Variants in MECR observed in about 807,000 individuals in gnomAD.
MECR encodes the protein enoyl-[acyl-carrier-protein] reductase, mitochondrial.
MECR carries 37 observed loss-of-function variants against 49.1 expected under a neutral mutation model. The ratio of observed to expected loss-of-function variants is 0.75; its 90% CI spans 0.58 to 0.99. The LOEUF (loss-of-function observed/expected upper bound fraction) is 0.99. Among genes scored for constraint, MECR ranks in the 50% least tolerant of loss-of-function variants. The pLI, the probability that MECR is intolerant of heterozygous loss-of-function variation, is 0.00. For missense variants in MECR, 470 were observed against 479.6 expected, an observed-to-expected ratio of 0.98 and a Z score of 0.19; for synonymous variants, 198 against 191.1, an observed-to-expected ratio of 1.04 and a Z score of -0.30.
intron 7 of MECR, 104 bp downstream of exon 7, chr1:29,200,406 TGACCTG>T: frequency 1.0e-6 from 1 of 973,362 alleles, no homozygotes. Context: ...AACATTGTGC[TGACCTG>T]GACTTGGCTC....
At chr1:29,222,263 T>C (rs1574490355) in intron 1 of MECR, among the ~76,000 whole-genome samples, 1 of 152,142 alleles carries the variant, frequency 6.6e-6, no homozygotes, top group African/African-American at 2.4e-5. Flanking sequence ...CTGGCTAATT[T>C]TTTTTTTGTA....
rs746081314 is a variant in MECR at position 29,196,087 on chromosome 1, C to T, written c.892-74G>A. 5.6e-6 allele frequency: 9 copies of T among 1,598,986 alleles called. No individual in the cohort carries two copies. The East Asian group carries it at 2.0e-4, about 36-fold the overall frequency. ...GTACCGCTTAAGGGTACAGACTCCCCTCCAGGAACGGGGCATTGCCTAAGC... is the reference window on the plus strand; with the variant it reads ...GTACCGCTTAAGGGTACAGACTCCCTTCCAGGAACGGGGCATTGCCTAAGC... On this transcript the variant is annotated intron_variant, in intron 8 of 9. Coordinates refer to ENST00000263702, the MANE Select transcript of MECR (RefSeq NM_016011.5).
At chr1:29,220,480 C>A (rs995515409) in intron 1 of MECR, among the ~76,000 whole-genome samples, 4 of 152,236 alleles carry the variant, frequency 2.6e-5, no homozygotes, top group Non-Finnish European at 4.4e-5. Context: ...TGAACTTGCT[C>A]TTCCTCGTTT....
At chr1:29,168,009 T>C in the MECR span, among the ~76,000 whole-genome samples, 3 of 119,022 alleles carry the variant, frequency 2.5e-5, no homozygotes, top group Non-Finnish European at 5.3e-5. Flanking sequence ...AAGGTTCTAA[T>C]TCCTTTTTTT....
At chr1:29,206,709 T>C (rs374349686) in intron 4 of MECR, 53 bp downstream of exon 4, 3 of 1,600,176 alleles carry the variant, frequency 1.9e-6, no homozygotes, top group African/African-American at 2.7e-5. Flanking sequence ...AGGATGTGAG[T>C]GGCACCCTAG....
In MECR at chr1:29,200,514, AC is replaced by A. The variant is rs1239954306; in HGVS notation, c.830+1del. 2.2e-5 allele frequency: 36 copies of A among 1,612,982 alleles called. No homozygotes were observed. The highest frequency in any genetic ancestry group is 2.9e-5 in the Non-Finnish European group (34 of 1,179,086). On this transcript the variant is annotated splice_donor_variant, in intron 7 of 9. Coordinates refer to ENST00000263702, the MANE Select transcript of MECR (RefSeq NM_016011.5). LOFTEE classifies it high-confidence loss of function. Reference sequence around the variant, plus strand: ...CTGGACCTGCAGGCCCAAGGGACTTACGCTAACTGCCGCAGCAGCTCTGTGG... The same window carrying A: ...CTGGACCTGCAGGCCCAAGGGACTTAGCTAACTGCCGCAGCAGCTCTGTGG...
intron 6 of MECR, 45 bp from the exon 7 acceptor site, chr1:29,200,634 A>C: frequency 6.4e-7 from 1 of 1,561,228 alleles, no homozygotes; most frequent in Non-Finnish European, 8.8e-7. Flanking sequence ...CCCGCTCTAC[A>C]TATGGGGTCT....
downstream of MECR, among the ~76,000 whole-genome samples, chr1:29,188,935 G>A (rs1245080667): frequency 6.6e-6 from 1 of 151,036 alleles, no homozygotes; most frequent in Non-Finnish European, 1.5e-5. Flanking sequence ...ACCACGCCCA[G>A]CCTATGTTAA....
chr1:29,216,882 C>A (rs1679539591), intron 1 of MECR, 197 bp from the exon 2 acceptor site: 7 of 1,316,770 alleles, frequency 5.3e-6, no homozygotes, highest in Non-Finnish European at 6.9e-6. Context: ...CGCCTGTAAT[C>A]CCAGCACTTT....
chr1:29,196,950 A>G (rs1674157866), intron 7 of MECR, among the ~76,000 whole-genome samples: 1 of 152,192 alleles, frequency 6.6e-6, no homozygotes, highest in African/African-American at 2.4e-5. Flanking sequence ...GGCTGCAGTG[A>G]GCTGAGATTG....
intron 1 of MECR, among the ~76,000 whole-genome samples, chr1:29,228,542 G>C (rs1018808686): frequency 6.6e-6 from 1 of 152,072 alleles, no homozygotes; most frequent in African/African-American, 2.4e-5. Context: ...AGTAGAGACA[G>C]GGTTTCGCCA....
the MECR span, among the ~76,000 whole-genome samples, chr1:29,176,372 G>C: frequency 1.3e-5 from 2 of 151,880 alleles, no homozygotes; most frequent in African/African-American, 4.8e-5. Flanking sequence ...AAATGATAAA[G>C]CACTTCTCTG....
chr1:29,180,739 T>A, the MECR span, among the ~76,000 whole-genome samples: 2 of 152,200 alleles, frequency 1.3e-5, no homozygotes, highest in African/African-American at 4.8e-5. Context: ...CCGTTGAGTA[T>A]TTTCTCCAGG....
At chr1:29,189,537 T>C (rs1673081722), downstream of MECR, among the ~76,000 whole-genome samples, 2 of 152,234 alleles carry the variant, frequency 1.3e-5, no homozygotes, top group South Asian at 2.1e-4. Context: ...AACAATCTCC[T>C]GCACTTGTAA....
downstream of MECR, among the ~76,000 whole-genome samples, chr1:29,188,269 A>C (rs1411639567): frequency 6.6e-5 from 10 of 151,636 alleles, no homozygotes; most frequent in East Asian, 2.0e-3. Context: ...GGCTCACTGC[A>C]ACCTCCACCT....
the MECR span, among the ~76,000 whole-genome samples, chr1:29,186,179 T>C: frequency 6.6e-6 from 1 of 152,232 alleles, no homozygotes; most frequent in Non-Finnish European, 1.5e-5. Flanking sequence ...AGTTCAACCT[T>C]CAACCACTGC....
Position 29,223,056 on chromosome 1 carries a change from C to T in MECR, c.177-6371G>A, listed in dbSNP as rs943043689. 2.8e-5 allele frequency: 27 copies of T among 979,230 alleles called. No homozygotes were observed. The Admixed American group carries it at 5.5e-4, about 20-fold the overall frequency. 60.7% of individuals were successfully genotyped at this position (979,230 alleles called of 1,614,324 possible). A position where few individuals can be genotyped will look rare whatever the true frequency, so the allele number is the denominator to read the frequency against. The stretch of plus-strand genomic sequence containing the variant: ...TAAAAAAACAAACAAACAAAACTCA[C>T]CAAAGGAAACAGTGGCTATGTTTTG... On this transcript the variant is annotated intron_variant, in intron 1 of 9. Transcript: ENST00000263702.
chr1:29,198,302 G>A (rs1311005868), intron 7 of MECR, among the ~76,000 whole-genome samples: 1 of 152,206 alleles, frequency 6.6e-6, no homozygotes, highest in Non-Finnish European at 1.5e-5. Context: ...ACCCTTCAGA[G>A]GCAGAGGGTT....
chr1:29,194,040 C>A lies in MECR; in HGVS notation c.1104G>T (p.Lys368Asn). Residue 368 changes from lysine (K) to asparagine (N), a missense_variant, in exon 10 of 10, where the codon AAG (lysine) becomes AAT (asparagine). Coordinates refer to ENST00000263702, the MANE Select transcript of MECR (RefSeq NM_016011.5). ...GGGATGATCACATGGTGAGAATCTG[C>A]TTTGAAGATATGAAGGGCTTCATGG... is the stretch of plus-strand genomic sequence containing the variant. ...EASMKPFISS[K>N]QILTM The A allele has an allele frequency of 6.2e-7, 1 of 1,614,162 alleles. No individual in the cohort carries two copies.
Sources: allele counts gnomAD v4.1 joint callset (sites outside exome capture counted in the v4.1 genomes callset), GRCh38; gene constraint gnomAD v4.1.1; transcripts MANE v1.5; gene names NCBI Gene and HGNC (gene_info 2026-07-23, HGNC 2026-07-21).